PPP2R2B: variants seen among roughly 807,000 people sequenced by gnomAD.
The protein encoded by PPP2R2B is protein phosphatase 2 regulatory subunit Bbeta, also known as serine/threonine-protein phosphatase 2A 55 kDa regulatory subunit B beta isoform.
PPP2R2B carries 5 observed loss-of-function variants against 46.0 expected under a neutral mutation model. The ratio of observed to expected loss-of-function variants is 0.11; its 90% confidence interval spans 0.06 to 0.23. PPP2R2B has a LOEUF of 0.23. PPP2R2B is among the 10% of genes least tolerant of loss of function. The pLI, the probability that PPP2R2B is intolerant of heterozygous loss-of-function variation, is 1.00. For missense variants in PPP2R2B, 367 were observed against 575.0 expected (o/e 0.64, Z 3.70); for synonymous variants, 215 against 206.7 (o/e 1.04, Z -0.34).
chr5:146,810,802 C>T (rs1203932642), intron 2 of PPP2R2B, among the ~76,000 whole-genome samples: 1 of 151,774 alleles, frequency 6.6e-6, no homozygotes, highest in African/African-American at 2.4e-5. Context: ...TATACATGTG[C>T]CATGTTGGTG....
chr5:146,681,823 T>C (rs1454661026), intron 5 of PPP2R2B, among the ~76,000 whole-genome samples: 1 of 152,194 alleles, frequency 6.6e-6, no homozygotes, highest in Non-Finnish European at 1.5e-5. Flanking sequence ...GGAAAGACAA[T>C]GTGTCAGAGC....
chr5:147,008,272 T>C (rs1176105324), intron 1 of PPP2R2B, among the ~76,000 whole-genome samples: 1 of 152,178 alleles, frequency 6.6e-6, no homozygotes, highest in East Asian at 1.9e-4. Flanking sequence ...TGTCAGGCTC[T>C]AGTTTCTTTA....
chr5:146,688,637 G>A (rs907392812), intron 5 of PPP2R2B, among the ~76,000 whole-genome samples: 1 of 152,124 alleles, frequency 6.6e-6, no homozygotes, highest in East Asian at 1.9e-4. Flanking sequence ...TTCATCTGAA[G>A]TCCACTTCAT....
intron 1 of PPP2R2B, among the ~76,000 whole-genome samples, chr5:146,983,384 G>T (rs564393330): frequency 4.1e-4 from 63 of 152,044 alleles, no homozygotes; most frequent in Non-Finnish European, 7.9e-4. Flanking sequence ...GTTTCACCAT[G>T]TTAGCCAGGA....
chr5:146,847,421 T>C (rs1760073863), intron 2 of PPP2R2B, among the ~76,000 whole-genome samples: 2 of 152,252 alleles, frequency 1.3e-5, no homozygotes, highest in African/African-American at 4.8e-5. Flanking sequence ...TTGCTCCTTT[T>C]ACAGAACCCA....
At chr5:146,654,522 T>C (rs1006723123) in intron 5 of PPP2R2B, among the ~76,000 whole-genome samples, 3 of 152,206 alleles carry the variant, frequency 2.0e-5, no homozygotes, top group African/African-American at 7.2e-5. Flanking sequence ...AGGGAACATT[T>C]TGCCTTAGAG....
intron 7 of PPP2R2B, among the ~76,000 whole-genome samples, chr5:146,602,601 CAT>C (rs1771888779): frequency 6.6e-6 from 1 of 152,146 alleles, no homozygotes; most frequent in African/African-American, 2.4e-5. Context: ...AATGCACTCG[CAT>C]AGTCAGTAAT....
intron 1 of PPP2R2B, among the ~76,000 whole-genome samples, chr5:146,902,235 G>A (rs1398285257): frequency 6.6e-6 from 1 of 151,824 alleles, no homozygotes; most frequent in East Asian, 1.9e-4. Flanking sequence ...AATCAACTCT[G>A]TCAAAATACT....
chr5:147,049,527 C>T (rs1756700494), intron 1 of PPP2R2B, among the ~76,000 whole-genome samples: 1 of 152,060 alleles, frequency 6.6e-6, no homozygotes, highest in Non-Finnish European at 1.5e-5. Context: ...GATATATAAG[C>T]CCATAGGAGT....
chr5:146,905,364 T>A (rs1762963225), intron 1 of PPP2R2B, among the ~76,000 whole-genome samples: 1 of 152,194 alleles, frequency 6.6e-6, no homozygotes, highest in Non-Finnish European at 1.5e-5. Context: ...CACACAAACA[T>A]TTGTACTTGA....
chr5:146,847,924 G>T (rs1041136861), intron 2 of PPP2R2B, among the ~76,000 whole-genome samples: 2 of 152,148 alleles, frequency 1.3e-5, no homozygotes, highest in African/African-American at 4.8e-5. Flanking sequence ...ATGTTGACTT[G>T]TGCAGGTGTT....
At chr5:146,596,276 C>A (rs560856078) in intron 8 of PPP2R2B, among the ~76,000 whole-genome samples, 2 of 152,132 alleles carry the variant, frequency 1.3e-5, no homozygotes, top group South Asian at 4.2e-4. Flanking sequence ...CTTTTATTCA[C>A]GGAAATGTGA....
At chr5:146,801,357 CTA>C (rs1188552948) in intron 2 of PPP2R2B, among the ~76,000 whole-genome samples, 1 of 152,066 alleles carries the variant, frequency 6.6e-6, no homozygotes, top group Admixed American at 6.5e-5. Context: ...AAAGAGGCAA[CTA>C]TGTGAGGTGA....
In PPP2R2B at chr5:146,863,856, C is replaced by T. The variant is rs887654757; in HGVS notation, c.70+14146G>A. On this transcript the variant is annotated intron_variant, in intron 2 of 9. Coordinates refer to ENST00000394411, the MANE Select transcript of PPP2R2B (RefSeq NM_181675.4). ...TCAGGCTAAATGAATTGAGATTTCA[C>T]ACCGACTCCCAACTGTAACCCCCAA... Among the ~76,000 whole-genome samples the T allele has an allele frequency of 5.3e-5, 8 of 152,260 alleles. No individual in the cohort carries two copies. In the East Asian group the frequency reaches 1.5e-3, roughly 29 times the overall value.
intron 1 of PPP2R2B, among the ~76,000 whole-genome samples, chr5:146,955,481 C>T (rs1220799717): frequency 6.6e-6 from 1 of 152,014 alleles, no homozygotes; most frequent in Non-Finnish European, 1.5e-5. Flanking sequence ...AATTACGTCC[C>T]CAGATAAATT....
intron 1 of PPP2R2B, among the ~76,000 whole-genome samples, chr5:146,886,606 T>C (rs1173662406): frequency 9.9e-5 from 15 of 151,852 alleles, no homozygotes; most frequent in Non-Finnish European, 1.5e-5. Flanking sequence ...CGCTTAAAAG[T>C]AGTGACAAAG....
At chr5:146,606,954 A>G (rs1249795144) in intron 7 of PPP2R2B, 1 of 152,150 alleles carries the variant, frequency 6.6e-6, no homozygotes, top group Non-Finnish European at 1.5e-5. Flanking sequence ...ACTTTTGCTG[A>G]CATTTCTTCT....
intron 7 of PPP2R2B, among the ~76,000 whole-genome samples, chr5:146,608,286 G>A (rs1772495183): frequency 1.3e-5 from 2 of 152,152 alleles, no homozygotes; most frequent in Admixed American, 6.5e-5. Context: ...TGCTTAAACT[G>A]CAAATTTCTT....
chr5:146,657,077 G>A (rs1363844572), intron 5 of PPP2R2B, among the ~76,000 whole-genome samples: 1 of 152,216 alleles, frequency 6.6e-6, no homozygotes, highest in Non-Finnish European at 1.5e-5. Context: ...GTGGGGGTTG[G>A]CGGGTCACAG....
Sources: allele counts gnomAD v4.1 joint callset (sites outside exome capture counted in the v4.1 genomes callset), GRCh38; gene constraint gnomAD v4.1.1; transcripts MANE v1.5; gene names NCBI Gene and HGNC (gene_info 2026-07-23, HGNC 2026-07-21).